The following FAM117A variants were observed in gnomAD, a reference collection of about 807,000 sequenced individuals.
The protein encoded by FAM117A is protein FAM117A.
A neutral mutation model predicts 44.1 loss-of-function variants in FAM117A; 21 were observed. That is an observed-to-expected ratio of 0.48 (90% CI 0.34 to 0.69). The LOEUF (loss-of-function observed/expected upper bound fraction) is 0.69, where lower values mean the gene tolerates loss of function less well. Ranked by LOEUF, FAM117A falls within the 30% of genes least tolerant of loss-of-function variation. The probability of loss-of-function intolerance (pLI) is 0.01; values close to 1 mark genes in which losing one functional copy is unlikely to be tolerated. For synonymous variants in FAM117A, 220 were observed against 238.3 expected, an observed-to-expected ratio of 0.92 and a Z score of 0.71; for missense variants, 498 against 589.9, an observed-to-expected ratio of 0.84 and a Z score of 1.61.
At chr17:49,742,410 G>A (rs756386133) in intron 1 of FAM117A, among the ~76,000 whole-genome samples, 1 of 152,230 alleles carries the variant, frequency 6.6e-6, no homozygotes, top group Non-Finnish European at 1.5e-5. Context: ...CAAAGTCTAT[G>A]TGTGTATATA....
At chr17:49,727,440 A>G (rs1199232976) in intron 2 of FAM117A, among the ~76,000 whole-genome samples, 1 of 152,196 alleles carries the variant, frequency 6.6e-6, no homozygotes, top group East Asian at 1.9e-4. Flanking sequence ...GTTGTTTGTC[A>G]GGGGGAGTCA....
intron 1 of FAM117A, among the ~76,000 whole-genome samples, chr17:49,750,006 G>A (rs1421678013): frequency 6.7e-6 from 1 of 148,756 alleles, no homozygotes; most frequent in Non-Finnish European, 1.5e-5. Flanking sequence ...TTATCAGGAT[G>A]TAGAAGAAAA....
upstream of FAM117A, chr17:49,764,134 C>G (rs751187775): frequency 1.0e-6 from 1 of 979,086 alleles, no homozygotes. Context: ...ACTCACACAG[C>G]CCCCCAACCC....
At chr17:49,747,760 C>T (rs1047071682) in intron 1 of FAM117A, among the ~76,000 whole-genome samples, 1 of 152,134 alleles carries the variant, frequency 6.6e-6, no homozygotes, top group African/African-American at 2.4e-5. Context: ...TTGGAACAAA[C>T]CTCAAATCAG....
At chr17:49,777,738 T>C (rs2143802887) in intron 1 of FAM117A, among the ~76,000 whole-genome samples, 1 of 152,306 alleles carries the variant, frequency 6.6e-6, no homozygotes, top group South Asian at 2.1e-4. Context: ...GGACCGGGGC[T>C]AATGGCCTCC....
At chr17:49,726,889 A>T (rs1313938599) in intron 2 of FAM117A, among the ~76,000 whole-genome samples, 1 of 152,002 alleles carries the variant, frequency 6.6e-6, no homozygotes, top group African/African-American at 2.4e-5. Context: ...CTGAGGCAGG[A>T]GGACCACTTG....
At chr17:49,763,511 C>G (rs1598035058) in intron 1 of FAM117A, among the ~76,000 whole-genome samples, 1 of 151,242 alleles carries the variant, frequency 6.6e-6, no homozygotes, top group Non-Finnish European at 1.5e-5. Context: ...CTGCTCCCAG[C>G]GCCAGCCATC....
chr17:49,732,878 T>C lies in FAM117A; in HGVS notation c.197-158A>G, dbSNP rs1043957012. 4.1e-6 allele frequency: 3 copies of C among 735,790 alleles called. No individual in the cohort carries two copies. The East Asian group carries it at 8.2e-5, about 20-fold the overall frequency. The allele number at this position is 735,790 out of a possible 1,614,324, so 45.6% of individuals were successfully genotyped here. A position where few individuals can be genotyped will look rare whatever the true frequency, so the allele number is the denominator to read the frequency against. On this transcript the variant is annotated intron_variant, in intron 1 of 7. Coordinates refer to ENST00000240364, the MANE Select transcript of FAM117A (RefSeq NM_030802.4). ...TTGAAGCAGCCTGAAACAGCACATATGGTCTGACAAGACCTTTCCTGACCT... is the reference window on the plus strand; with the variant it reads ...TTGAAGCAGCCTGAAACAGCACATACGGTCTGACAAGACCTTTCCTGACCT...
chr17:49,753,820 T>C (rs1409525096), intron 1 of FAM117A, among the ~76,000 whole-genome samples: 2 of 152,162 alleles, frequency 1.3e-5, no homozygotes, highest in Non-Finnish European at 2.9e-5. Flanking sequence ...AACCTAATGC[T>C]ATCTATATTC....
chr17:49,716,645 T>C (rs1297567029), intron 6 of FAM117A, among the ~76,000 whole-genome samples: 1 of 152,174 alleles, frequency 6.6e-6, no homozygotes, highest in African/African-American at 2.4e-5. Context: ...CTCTGCCTTC[T>C]TCCAAGACTG....
At chr17:49,756,022 T>A (rs1042464301) in intron 1 of FAM117A, among the ~76,000 whole-genome samples, 4 of 152,272 alleles carry the variant, frequency 2.6e-5, no homozygotes, top group African/African-American at 9.6e-5. Flanking sequence ...AGGCACACAA[T>A]TTCCAGTATA....
At chr17:49,742,023 T>G (rs924738231) in intron 1 of FAM117A, among the ~76,000 whole-genome samples, 2 of 152,164 alleles carry the variant, frequency 1.3e-5, no homozygotes, top group Non-Finnish European at 2.9e-5. Context: ...CAACACTTCT[T>G]TCAATAGCTA....
chr17:49,763,891 C>T lies in FAM117A; in HGVS notation c.196+1G>A. ...CGGCACCCGCTCCAGGCCCGGCTCA[C>T]CTGCACGGCCACCCCCGTCCCGGCG... On this transcript the variant is annotated splice_donor_variant, in intron 1 of 7. Coordinates refer to ENST00000240364, the MANE Select transcript of FAM117A (RefSeq NM_030802.4). LOFTEE classifies it high-confidence loss of function. The T allele has an allele frequency of 8.1e-7, 1 of 1,231,476 alleles. No individual in the cohort carries two copies. Among genetic ancestry groups the T allele is most frequent in the Non-Finnish European group, 1.0e-6 (1 of 987,940 alleles). The allele number at this position is 1,231,476 out of a possible 1,614,324, so 76.3% of individuals were successfully genotyped here.
chr17:49,760,003 G>T (rs1230370076), intron 1 of FAM117A, among the ~76,000 whole-genome samples: 2 of 152,196 alleles, frequency 1.3e-5, no homozygotes, highest in Non-Finnish European at 2.9e-5. Flanking sequence ...CCGCAGTTTT[G>T]GGTTGTCAGG....
rs2073619840 is a variant in FAM117A, at chr17:49,738,460, G to A, written c.197-5740C>T. ...GGGGAAAGGATTGAGGAGAAACCAAGGAACCCCCAATCCAGAATCTGCAGC... is the reference window on the plus strand; with the variant it reads ...GGGGAAAGGATTGAGGAGAAACCAAAGAACCCCCAATCCAGAATCTGCAGC... On this transcript the variant is annotated intron_variant, in intron 1 of 7. Transcript: ENST00000240364. 1.3e-5 allele frequency among the ~76,000 whole-genome samples: 2 copies of A among 152,180 alleles called. 1 individual carries two copies. The highest frequency in any genetic ancestry group is 4.8e-5 in the African/African-American group (2 of 41,446).
intron 1 of FAM117A, among the ~76,000 whole-genome samples, chr17:49,746,176 C>T (rs1423361062): frequency 6.6e-6 from 1 of 151,924 alleles, no homozygotes; most frequent in Non-Finnish European, 1.5e-5. Flanking sequence ...TATACATAAA[C>T]AGAAGGAGAA....
chr17:49,740,216 A>T (rs945175237), intron 1 of FAM117A, among the ~76,000 whole-genome samples: 1 of 151,994 alleles, frequency 6.6e-6, no homozygotes, highest in African/African-American at 2.4e-5. Flanking sequence ...TGGGCCTGGC[A>T]CACTGCAGCA....
intron 2 of FAM117A, among the ~76,000 whole-genome samples, chr17:49,723,457 A>C (rs1414335868): frequency 6.6e-6 from 1 of 152,166 alleles, no homozygotes; most frequent in Non-Finnish European, 1.5e-5. Context: ...CATGAAGCCA[A>C]AGAGGCCCAG....
At chr17:49,782,826 G>C (rs2073793915) in intron 1 of FAM117A, among the ~76,000 whole-genome samples, 1 of 152,166 alleles carries the variant, frequency 6.6e-6, no homozygotes, top group African/African-American at 2.4e-5. Context: ...GAGGGCAGGT[G>C]AAAGTGCTCC....
Sources: gnomAD v4.1 joint callset for allele counts (sites outside exome capture counted in the v4.1 genomes callset) on GRCh38, gnomAD v4.1.1 for gene constraint, MANE v1.5 for transcripts, NCBI Gene and HGNC (gene_info 2026-07-23, HGNC 2026-07-21) for gene names.